USP49: variants seen among roughly 807,000 people sequenced by gnomAD.
USP49 encodes the protein ubiquitin specific peptidase 49.
USP49 carries 24 observed loss-of-function variants against 58.6 expected under a neutral mutation model. The observed-to-expected ratio is 0.41, with a 90% confidence interval of 0.30 to 0.58. USP49 has a LOEUF of 0.58. Among genes scored for constraint, USP49 ranks in the 20% least tolerant of loss-of-function variants. USP49 has a pLI of 0.30. For missense variants in USP49, 703 were observed against 866.1 expected, an observed-to-expected ratio of 0.81 and a Z score of 2.36; for synonymous variants, 408 against 365.1, an observed-to-expected ratio of 1.12 and a Z score of -1.34.
At chr6:41,851,241 C>T (rs765527168) in intron 3 of USP49, among the ~76,000 whole-genome samples, 31 of 152,180 alleles carry the variant, frequency 2.0e-4, no homozygotes, top group Non-Finnish European at 4.0e-4. Flanking sequence ...AAACCCTCAA[C>T]AAAATACTGG....
chr6:41,840,986 C>CA (rs1424692672), intron 3 of USP49, among the ~76,000 whole-genome samples: 1 of 149,284 alleles, frequency 6.7e-6, no homozygotes, highest in Non-Finnish European at 1.5e-5. Context: ...GCCTGGGTGA[C>CA]AGAGCAAGAT....
chr6:41,867,519 G>A (rs1178307640), intron 3 of USP49, among the ~76,000 whole-genome samples: 2 of 150,880 alleles, frequency 1.3e-5, no homozygotes, highest in Non-Finnish European at 2.9e-5. Flanking sequence ...TGAGGCAGGT[G>A]GATCACGAGG....
intron 3 of USP49, among the ~76,000 whole-genome samples, chr6:41,808,968 C>T (rs944413183): frequency 5.3e-5 from 8 of 151,820 alleles, no homozygotes; most frequent in Non-Finnish European, 1.0e-4. Flanking sequence ...GCCTGGAGTG[C>T]GGTGGTGTGA....
At chr6:41,865,916 C>CTT (rs34663718) in intron 3 of USP49, among the ~76,000 whole-genome samples, 13,418 of 65,194 alleles carry the variant, frequency 0.21, 1,785 homozygotes, top group East Asian at 0.27. Context: ...AGCATGGTGC[C>CTT]TTTTTTTTTT....
chr6:41,856,901 T>G (rs1428701636), intron 3 of USP49, among the ~76,000 whole-genome samples: 1 of 152,214 alleles, frequency 6.6e-6, no homozygotes, highest in Admixed American at 6.6e-5. Flanking sequence ...TTTATAGGTA[T>G]GTATATACAG....
intron 3 of USP49, among the ~76,000 whole-genome samples, chr6:41,867,312 T>C (rs909923123): frequency 6.6e-6 from 1 of 152,216 alleles, no homozygotes; most frequent in African/African-American, 2.4e-5. Context: ...CACTCAAATA[T>C]TATTTAACAG....
At chr6:41,807,118 C>T in intron 3 of USP49, 107 bp from the exon 4 acceptor site, 1 of 1,172,814 alleles carries the variant, frequency 8.5e-7, no homozygotes, top group African/African-American at 1.6e-5. Flanking sequence ...ATTGATATTT[C>T]AACTCTAGAT....
chr6:41,810,675 T>C (rs1393090638), intron 3 of USP49, among the ~76,000 whole-genome samples: 1 of 150,342 alleles, frequency 6.7e-6, no homozygotes, highest in East Asian at 2.0e-4. Flanking sequence ...GCCTCCCTAG[T>C]AGCTGGGATT....
chr6:41,885,752 T>C (rs577929084), intron 2 of USP49, among the ~76,000 whole-genome samples: 3 of 152,050 alleles, frequency 2.0e-5, no homozygotes, highest in African/African-American at 2.4e-5. Context: ...GCCGAGATCA[T>C]GCTACTGCAC....
At chr6:41,816,994 C>CCACGCTCGGCCTTTCTT (rs1773363435) in intron 3 of USP49, among the ~76,000 whole-genome samples, 1 of 151,724 alleles carries the variant, frequency 6.6e-6, no homozygotes, top group African/African-American at 2.4e-5. Flanking sequence ...GCATGAGCCA[C>CCACGCTCGGCCTTTCTT]TGCACCTGGC....
chr6:41,845,061 C>T (rs745624998), intron 3 of USP49, among the ~76,000 whole-genome samples: 21 of 151,994 alleles, frequency 1.4e-4, no homozygotes, highest in Admixed American at 3.3e-4. Flanking sequence ...CCACTACGCC[C>T]GGCTAATTTT....
Position 41,791,984 on chromosome 6 carries a change from G to A in USP49, c.*4549C>T, listed in dbSNP as rs1772805257. 1 of 152,232 alleles carries A rather than the reference G, an allele frequency of 6.6e-6. No individual in the cohort carries two copies. Among genetic ancestry groups the A allele is most frequent in the Non-Finnish European group, 1.5e-5 (1 of 68,038 alleles). The allele number at this position is 152,232 out of a possible 1,614,324, so 9.4% of individuals were successfully genotyped here. On this transcript the variant is annotated 3_prime_UTR_variant, in exon 8 of 8. Coordinates refer to ENST00000682992, the MANE Select transcript of USP49 (RefSeq NM_001286554.2). ...ACTTATTTAGTTCAGTAATGAGGCTGAGGGACCCAATTTTCAAGTGTGCAT... is the reference window on the plus strand; with the variant it reads ...ACTTATTTAGTTCAGTAATGAGGCTAAGGGACCCAATTTTCAAGTGTGCAT...
chr6:41,841,033 C>CA (rs966537968), intron 3 of USP49, among the ~76,000 whole-genome samples: 58 of 149,676 alleles, frequency 3.9e-4, no homozygotes, highest in African/African-American at 9.6e-4. Context: ...AAACAAAAAA[C>CA]AAAAAAAAAC....
At chr6:41,817,796 C>T (rs1773383164) in intron 3 of USP49, among the ~76,000 whole-genome samples, 1 of 151,788 alleles carries the variant, frequency 6.6e-6, no homozygotes, top group Non-Finnish European at 1.5e-5. Context: ...TTGTATTTTT[C>T]GTAGAGACAG....
At chr6:41,848,797 T>C (rs571428480) in intron 3 of USP49, among the ~76,000 whole-genome samples, 9 of 151,140 alleles carry the variant, frequency 6.0e-5, no homozygotes, top group African/African-American at 9.7e-5. Flanking sequence ...AGAGCTTGCA[T>C]TGAGCCAAGA....
chr6:41,853,688 C>T (rs904096536), intron 3 of USP49, among the ~76,000 whole-genome samples: 2 of 152,068 alleles, frequency 1.3e-5, no homozygotes, highest in African/African-American at 4.8e-5. Flanking sequence ...AAGGCAAACA[C>T]TAAGAGTCTT....
chr6:41,893,278 C>T (rs1302457477), intron 1 of USP49, among the ~76,000 whole-genome samples: 2 of 152,126 alleles, frequency 1.3e-5, no homozygotes, highest in Non-Finnish European at 2.9e-5. Context: ...TGAAACGTCC[C>T]GCACAAAGCT....
intron 3 of USP49, among the ~76,000 whole-genome samples, chr6:41,855,174 CTA>C (rs1774103589): frequency 1.3e-5 from 2 of 150,772 alleles, no homozygotes; most frequent in South Asian, 4.2e-4. Flanking sequence ...AGCTCTTCTG[CTA>C]TAGAGACTTT....
Position 41,803,985 on chromosome 6 carries a change from T to G in USP49, c.1382A>C (p.Lys461Thr). The G allele has an allele frequency of 1.2e-6, 2 of 1,614,144 alleles. No homozygotes were observed. The highest frequency in any genetic ancestry group is 1.7e-6 in the Non-Finnish European group (2 of 1,180,022). The change falls in exon 5 of 8, where the codon AAA (lysine) becomes ACA (threonine). Residue 461 changes from lysine (K) to threonine (T), a missense_variant. This residue lies in a region of USP49 where 158 missense variants were observed against 241.2 expected (regional missense o/e 0.66). Coordinates refer to ENST00000682992, the MANE Select transcript of USP49 (RefSeq NM_001286554.2). This position sits in a 1 kb window ranked among gnomAD's most constrained non-coding sequence, Gnocchi z 4.1. The stretch of plus-strand genomic sequence containing the variant: ...CCAAAAGGGCTCAATGGTATTGGAT[T>G]TGTAATTGCATGATATACATGTGAC... The part of the protein sequence containing the change: ...SQVTCISCNY[K>T]SNTIEPFWDL...
Sources: allele counts gnomAD v4.1 joint callset (sites outside exome capture counted in the v4.1 genomes callset), GRCh38; gene constraint gnomAD v4.1.1; regional missense constraint gnomAD v4.1.1; non-coding constraint Gnocchi (gnomAD v3.1); transcripts MANE v1.5; gene names NCBI Gene and HGNC (gene_info 2026-07-23, HGNC 2026-07-21).